Variants in CCPG1 observed in about 807,000 individuals in gnomAD.
CCPG1 encodes the protein cell cycle progression 1.
Under a neutral mutation model 81.3 loss-of-function variants are expected in CCPG1, and 46 were observed. The ratio of observed to expected loss-of-function variants is 0.57; its 90% CI spans 0.45 to 0.72. The LOEUF is 0.72. CCPG1 is among the 30% of genes least tolerant of loss of function. CCPG1 has a pLI of 0.00. For synonymous variants in CCPG1, 330 were observed against 305.2 expected, an observed-to-expected ratio of 1.08 and a Z score of -0.85; for missense variants, 902 against 937.6, an observed-to-expected ratio of 0.96 and a Z score of 0.50.
At chr15:55,372,081 T>A in intron 5 of CCPG1, 37 bp from the exon 6 acceptor site, 3 of 1,586,022 alleles carry the variant, frequency 1.9e-6, no homozygotes, top group Non-Finnish European at 2.6e-6. Context: ...CTATTCAAAA[T>A]CTTGGAAAAG....
chr15:55,383,697 C>T (rs1047189762), intron 3 of CCPG1, among the ~76,000 whole-genome samples: 3 of 152,184 alleles, frequency 2.0e-5, no homozygotes, highest in African/African-American at 2.4e-5. Flanking sequence ...TTTTATGTTA[C>T]GGACATAGCT....
chr15:55,406,093 G>T (rs992947086), intron 1 of CCPG1, among the ~76,000 whole-genome samples: 1 of 152,198 alleles, frequency 6.6e-6, no homozygotes, highest in African/African-American at 2.4e-5. Flanking sequence ...TTGAAGTCCT[G>T]ACCTCAAGTG....
chr15:55,402,417 G>A (rs906613280), intron 1 of CCPG1, among the ~76,000 whole-genome samples: 5 of 152,046 alleles, frequency 3.3e-5, no homozygotes, highest in Admixed American at 2.0e-4. Flanking sequence ...TAGTAGAGAC[G>A]GGGTTTCACC....
At chr15:55,359,463 C>A in intron 8 of CCPG1, 76 bp downstream of exon 8, 1 of 1,507,732 alleles carries the variant, frequency 6.6e-7, no homozygotes, top group South Asian at 1.4e-5. Flanking sequence ...ACAAGAAACT[C>A]ATCAAATCAT....
intron 8 of CCPG1, chr15:55,359,254 C>T (rs1024054304): frequency 9.2e-7 from 1 of 1,087,726 alleles, no homozygotes; most frequent in Non-Finnish European, 1.1e-6. Flanking sequence ...TGAAAAGAAA[C>T]AAACTTGGCC....
intron 3 of CCPG1, 135 bp downstream of exon 3, chr15:55,385,465 C>T (rs545678506): frequency 2.2e-5 from 12 of 542,976 alleles, no homozygotes; most frequent in African/African-American, 2.2e-4. Context: ...CTGTGCCCAA[C>T]CTACACTGAA....
At chr15:55,406,729 T>C (rs533867602) in intron 1 of CCPG1, among the ~76,000 whole-genome samples, 4 of 152,156 alleles carry the variant, frequency 2.6e-5, no homozygotes, top group African/African-American at 9.6e-5. Flanking sequence ...GCCACCGCTC[T>C]GGACCCTTTA....
chr15:55,380,114 A>C (rs2141288601), intron 3 of CCPG1, among the ~76,000 whole-genome samples: 1 of 151,526 alleles, frequency 6.6e-6, no homozygotes, highest in South Asian at 2.1e-4. Context: ...AAAAAAAAAA[A>C]AGAAAAGAGC....
intron 3 of CCPG1, among the ~76,000 whole-genome samples, chr15:55,380,759 A>G (rs1288431635): frequency 6.6e-6 from 1 of 151,934 alleles, no homozygotes; most frequent in African/African-American, 2.4e-5. Flanking sequence ...TCATGCCTGT[A>G]ATCCCAGCAC....
chr15:55,397,986 A>AGAG, intron 1 of CCPG1, among the ~76,000 whole-genome samples: 1 of 151,616 alleles, frequency 6.6e-6, no homozygotes, highest in South Asian at 2.1e-4. Context: ...CAAGAAAAAA[A>AGAG]AAGAAGAAGA....
chr15:55,362,008 T>C (rs996614743), intron 7 of CCPG1, among the ~76,000 whole-genome samples: 2 of 152,208 alleles, frequency 1.3e-5, no homozygotes, highest in East Asian at 1.9e-4. Flanking sequence ...GATTAATCTA[T>C]AGATTACTAT....
intron 1 of CCPG1, among the ~76,000 whole-genome samples, chr15:55,406,113 C>T (rs577600846): frequency 6.6e-6 from 1 of 152,296 alleles, no homozygotes; most frequent in East Asian, 1.9e-4. Flanking sequence ...GATCCGCCTG[C>T]CTTGGCTTCC....
Position 55,389,068 on chromosome 15 carries a change from C to CAA in CCPG1, c.60+295_60+296dup, listed in dbSNP as rs373917631. On this transcript the variant is annotated intron_variant, in intron 2 of 8. Transcript: ENST00000442196. ...TGGGCAACAGAGTGAGACTCTGTCT[C>CAA]AAAAAAAAAAAAAAAAAAAAAGACA... Among the ~76,000 whole-genome samples the CAA allele has an allele frequency of 8.2e-4, 46 of 55,984 alleles. 1 individual carries two copies. The highest frequency in any genetic ancestry group is 0.012 in the Middle Eastern group (1 of 82). 36.7% of individuals were successfully genotyped at this position (55,984 alleles called of 152,430 possible).
chr15:55,392,996 C>T (rs1269716195), intron 1 of CCPG1, among the ~76,000 whole-genome samples: 9 of 152,090 alleles, frequency 5.9e-5, no homozygotes, highest in African/African-American at 1.7e-4. Context: ...CCCAGCTACT[C>T]GAGAGGCTGA....
chr15:55,387,826 G>A (rs966797856), intron 2 of CCPG1, among the ~76,000 whole-genome samples: 75 of 520 alleles, frequency 0.14, no homozygotes, highest in African/African-American at 0.3. Flanking sequence ...AATTACAGGC[G>A]TGAGCACCAC....
At chr15:55,357,272 T>C in intron 8 of CCPG1, 1 of 973,220 alleles carries the variant, frequency 1.0e-6, no homozygotes, top group Non-Finnish European at 1.2e-6. Flanking sequence ...TAGAAGTCAC[T>C]GTTACTTTCT....
chr15:55,406,450 G>GTTTTTTT (rs751788415), intron 1 of CCPG1, among the ~76,000 whole-genome samples: 22 of 89,044 alleles, frequency 2.5e-4, no homozygotes, highest in Middle Eastern at 6.3e-3. Flanking sequence ...TTTTTTTTTT[G>GTTTTTTT]TTTTTTTTTT....
intron 1 of CCPG1, among the ~76,000 whole-genome samples, chr15:55,391,903 G>C (rs1305364504): frequency 7.8e-6 from 1 of 128,246 alleles, no homozygotes; most frequent in Non-Finnish European, 1.6e-5. Flanking sequence ...GGGGGGGCTA[G>C]GTGTGGTAGC....
At position 55,359,581 on chromosome 15, in the gene CCPG1, C is replaced by T. The variant is rs372895000; in HGVS notation, c.2192G>A (p.Arg731Lys). The change falls in exon 8 of 9, where the codon AGA becomes AAA. Residue 731 changes from arginine to lysine, a missense_variant. Transcript: ENST00000442196. ...VFEKLDEYIY[R>K]HFFGHTFSPP... ...GGAAAAAGTGTGACCAAAGAAGTGT[C>T]TATATATATATTCATCCAACTTCTC... 2.8e-5 allele frequency: 45 copies of T among 1,611,668 alleles called. No individual in the cohort carries two copies. Among genetic ancestry groups the T allele is most frequent in the Non-Finnish European group, 3.8e-5 (45 of 1,179,186 alleles).
Sources: gnomAD v4.1 joint callset for allele counts (sites outside exome capture counted in the v4.1 genomes callset) on GRCh38, gnomAD v4.1.1 for gene constraint, MANE v1.5 for transcripts, NCBI Gene and HGNC (gene_info 2026-07-23, HGNC 2026-07-21) for gene names.